The following SSC4D variants were observed in gnomAD, a reference collection of about 807,000 sequenced individuals.
The protein encoded by SSC4D is scavenger receptor cysteine rich family member with 4 domains, also known as scavenger receptor cysteine-rich domain-containing group B protein.
In SSC4D, 57 loss-of-function variants were observed where a neutral mutation model predicts 63.4. That is an observed-to-expected ratio of 0.90 (90% CI 0.73 to 1.12). The LOEUF (loss-of-function observed/expected upper bound fraction) is 1.12. SSC4D is among the 50% of genes most tolerant of loss of function. The pLI is 0.00. For missense variants in SSC4D, 791 were observed against 806.4 expected (o/e 0.98, Z 0.23); for synonymous variants, 352 against 345.4 (o/e 1.02, Z -0.21).
chr7:76,402,331 C>T (rs1804859651), intron 2 of SSC4D, among the ~76,000 whole-genome samples: 3 of 151,948 alleles, frequency 2.0e-5, no homozygotes, highest in Admixed American at 6.6e-5. Flanking sequence ...AGGCGCACAC[C>T]GCCACACCCA....
chr7:76,390,216 C>T lies in SSC4D; in HGVS notation c.1571G>A (p.Gly524Asp). ...TCGGCCTGGGCCAAAGTGAGCCTCGCCAGGGGCTGCGAGGGCCTGGCCACA... is the reference window on the plus strand; with the variant it reads ...TCGGCCTGGGCCAAAGTGAGCCTCGTCAGGGGCTGCGAGGGCCTGGCCACA... ...LGCGQALAAP[G>D]EAHFGPGRGP... The change falls in exon 11 of 11, where the codon GGC (glycine) becomes GAC (aspartate). Residue 524 changes from glycine (G) to aspartate (D), a missense_variant. By Grantham distance (94) the Gly-to-Asp change is moderately conservative. Transcript: ENST00000275560. 6.2e-7 allele frequency: 1 copy of T among 1,614,156 alleles called. No individual in the cohort carries two copies. Among genetic ancestry groups the T allele is most frequent in the South Asian group, 1.1e-5 (1 of 91,080 alleles).
At chr7:76,400,860 G>A in intron 3 of SSC4D, 148 bp downstream of exon 3, 1 of 1,216,256 alleles carries the variant, frequency 8.2e-7, no homozygotes, top group South Asian at 1.4e-5. Flanking sequence ...AATCCCTTCT[G>A]GAAAATGGGG....
intron 1 of SSC4D, 34 bp from the exon 2 acceptor site, chr7:76,404,539 C>T (rs1004511499): frequency 9.6e-5 from 153 of 1,587,814 alleles, no homozygotes; most frequent in Non-Finnish European, 1.2e-4. Flanking sequence ...TGCTGGGCCT[C>T]CCAGCACTTT....
rs769029674 is a variant in SSC4D at position 76,404,484 on chromosome 7, G to A, written c.-45C>T. On this transcript the variant is annotated 5_prime_UTR_variant, in exon 2 of 11. Transcript: ENST00000275560. The stretch of plus-strand genomic sequence containing the variant: ...TCAGATGCTCCCATCAAGGCGCCAG[G>A]GAGAAGTCACAGTTGGAACATCTGA... 2 of 1,613,498 alleles carry A rather than the reference G, an allele frequency of 1.2e-6. No individual in the cohort carries two copies. Among genetic ancestry groups the A allele is most frequent in the South Asian group, 1.1e-5 (1 of 91,070 alleles).
chr7:76,395,131 T>C, intron 7 of SSC4D, 122 bp downstream of exon 7: 2 of 1,114,402 alleles, frequency 1.8e-6, no homozygotes, highest in East Asian at 4.8e-5. Flanking sequence ...CTCTGCACCA[T>C]CTGGCCAAAG....
intron 2 of SSC4D, among the ~76,000 whole-genome samples, chr7:76,402,544 C>T (rs921521619): frequency 3.3e-5 from 5 of 152,104 alleles, no homozygotes; most frequent in Non-Finnish European, 5.9e-5. Flanking sequence ...GTCTCGAACT[C>T]TTGGCCTCAA....
chr7:76,403,347 C>CTTTTTTTTTTCT (rs766899317), intron 2 of SSC4D, among the ~76,000 whole-genome samples: 1 of 149,532 alleles, frequency 6.7e-6, no homozygotes, highest in Non-Finnish European at 1.5e-5. Flanking sequence ...GACTCCACTT[C>CTTTTTTTTTTCT]TTTTTTTTGA....
At chr7:76,399,268 T>C (rs56405730) in intron 4 of SSC4D, among the ~76,000 whole-genome samples, 28,008 of 151,928 alleles carry the variant, frequency 0.18, 2,758 homozygotes, top group South Asian at 0.25. Flanking sequence ...CTGCCTCGGC[T>C]TCCCAAAGTG....
At chr7:76,398,508 T>A (rs1804713143) in intron 5 of SSC4D, among the ~76,000 whole-genome samples, 1 of 152,140 alleles carries the variant, frequency 6.6e-6, no homozygotes, top group Non-Finnish European at 1.5e-5. Flanking sequence ...TTTCACCATG[T>A]TGGCCAGTCT....
At chr7:76,391,820 G>T in intron 10 of SSC4D, 144 bp downstream of exon 10, 1 of 788,398 alleles carries the variant, frequency 1.3e-6, no homozygotes, top group Non-Finnish European at 2.1e-6. Flanking sequence ...CTACAAAGGA[G>T]GCCTGAGACC....
Position 76,400,386 on chromosome 7 carries a change from C to G in SSC4D, c.375G>C (p.Val125=). 1 of 1,595,530 alleles carries G rather than the reference C, an allele frequency of 6.3e-7. No individual in the cohort carries two copies. Among genetic ancestry groups the G allele is most frequent in the Non-Finnish European group, 8.6e-7 (1 of 1,167,812 alleles). ...QGRGPILLDN[V]ECRGQEAALS... ...GCGCAGCTTCCTGCCCGCGGCACTC[C>G]ACGTTGTCCAGCAGGATGGGGCCTC... Residue 125 remains valine (V), a synonymous_variant, in exon 4 of 11, where the codon GTG becomes GTC. Coordinates refer to ENST00000275560, the MANE Select transcript of SSC4D (RefSeq NM_080744.2).
Position 76,393,649 on chromosome 7 carries a change from C to G in SSC4D, c.1089G>C (p.Gly363=). Reference sequence around the variant, plus strand: ...CATCGTCGCACACGGTGCCCCAGCCCCCGGCGTGCAACACCTCCACGCGGC... The same window carrying G: ...CATCGTCGCACACGGTGCCCCAGCCGCCGGCGTGCAACACCTCCACGCGGC... ...CRGRVEVLHA[G]GWGTVCDDDW... The change falls in exon 9 of 11, where the codon GGG becomes GGC. Residue 363 remains glycine, a synonymous_variant. Coordinates refer to ENST00000275560, the MANE Select transcript of SSC4D (RefSeq NM_080744.2). 1 of 1,480,010 alleles carries G rather than the reference C, an allele frequency of 6.8e-7. No individual in the cohort carries two copies. The highest frequency in any genetic ancestry group is 8.9e-7 in the Non-Finnish European group (1 of 1,121,100). 91.7% of individuals were successfully genotyped at this position (1,480,010 alleles called of 1,614,324 possible). A position where few individuals can be genotyped will look rare whatever the true frequency, so the allele number is the denominator to read the frequency against.
intron 5 of SSC4D, 136 bp downstream of exon 5, chr7:76,398,584 T>C (rs113567515): frequency 0.23 from 226,554 of 971,306 alleles, 28,331 homozygotes; most frequent in African/African-American, 0.39. Context: ...GGATTACAGG[T>C]GTGAGCCACC....
intron 2 of SSC4D, among the ~76,000 whole-genome samples, chr7:76,402,182 A>ATTTTTTT (rs57389874): frequency 1.2e-4 from 15 of 127,218 alleles, no homozygotes; most frequent in Non-Finnish European, 2.2e-4. Flanking sequence ...CTGCCCAGCT[A>ATTTTTTT]TTTTTTTTTT....
rs773391280 is a variant in SSC4D at position 76,390,253 on chromosome 7, G to C, written c.1534C>G (p.Arg512Gly). ...AGGGCCTGGCCACAGCCCAGCTGGCGGCACAGGACACCGGCTGCCCGCAGG... is the reference window on the plus strand; with the variant it reads ...AGGGCCTGGCCACAGCCCAGCTGGCCGCACAGGACACCGGCTGCCCGCAGG... ...WDLRAAGVLCRQLGCGQALAA... is the reference protein window; with the variant it reads ...WDLRAAGVLCGQLGCGQALAA... The change falls in exon 11 of 11, where the codon CGC becomes GGC. Residue 512 changes from arginine to glycine, a missense_variant. By Grantham distance (125) the Arg-to-Gly change is moderately radical. Coordinates refer to ENST00000275560, the MANE Select transcript of SSC4D (RefSeq NM_080744.2). 1 of 1,614,014 alleles carries C rather than the reference G, an allele frequency of 6.2e-7. No individual in the cohort carries two copies.
chr7:76,393,835 T>A lies in SSC4D; in HGVS notation c.1016A>T (p.Lys339Met), dbSNP rs1804566023. 1.3e-6 allele frequency: 2 copies of A among 1,595,366 alleles called. No individual in the cohort carries two copies. The highest frequency in any genetic ancestry group is 1.7e-4 in the Middle Eastern group (1 of 6,038). Residue 339 changes from lysine to methionine, a missense_variant, in exon 8 of 11, where the codon AAG (lysine) becomes ATG (methionine). Physicochemically the swap from Lys to Met is moderately conservative, Grantham distance 95. Coordinates refer to ENST00000275560, the MANE Select transcript of SSC4D (RefSeq NM_080744.2). ...ACCCAGGCACCGCCACTTACTTTTC[T>A]TCCCCGCGGCCCAGGCGGCGGTGGT... ...LLTTAAWAAGKKSGRLRLVGG... is the reference protein window; with the variant it reads ...LLTTAAWAAGMKSGRLRLVGG...
chr7:76,390,544 A>C (rs909486919), intron 10 of SSC4D, among the ~76,000 whole-genome samples, 169 bp from the exon 11 acceptor site: 1 of 152,228 alleles, frequency 6.6e-6, no homozygotes, highest in Non-Finnish European at 1.5e-5. Flanking sequence ...CTGGCTGGGC[A>C]CAATGGCTCA....
chr7:76,398,932 A>G, intron 4 of SSC4D, 135 bp from the exon 5 acceptor site: 2 of 823,620 alleles, frequency 2.4e-6, no homozygotes, highest in Middle Eastern at 3.7e-4. Context: ...AGTCACAGCC[A>G]GGAACACTGG....
At chr7:76,396,611 G>A (rs944680845) in intron 6 of SSC4D, among the ~76,000 whole-genome samples, 5 of 152,166 alleles carry the variant, frequency 3.3e-5, no homozygotes, top group Non-Finnish European at 7.3e-5. Context: ...ACTAAGCCTC[G>A]ATTTGGGGGC....
Sources: allele counts gnomAD v4.1 joint callset (sites outside exome capture counted in the v4.1 genomes callset), GRCh38; gene constraint gnomAD v4.1.1; transcripts MANE v1.5; gene names NCBI Gene and HGNC (gene_info 2026-07-23, HGNC 2026-07-21).